Variants in NMNAT2 observed in about 807,000 individuals in gnomAD.
The protein encoded by NMNAT2 is nicotinamide/nicotinic acid mononucleotide adenylyltransferase 2.
Under a neutral mutation model 41.6 loss-of-function variants are expected in NMNAT2, and 11 were observed. The ratio of observed to expected loss-of-function variants is 0.26; its 90% CI spans 0.17 to 0.44. NMNAT2 has a LOEUF of 0.44. NMNAT2 is among the 20% of genes least tolerant of loss of function. The pLI, the probability that NMNAT2 is intolerant of heterozygous loss-of-function variation, is 1.00. For synonymous variants in NMNAT2, 148 were observed against 151.2 expected, an observed-to-expected ratio of 0.98 and a Z score of 0.16; for missense variants, 288 against 407.7, an observed-to-expected ratio of 0.71 and a Z score of 2.53.
intron 8 of NMNAT2, among the ~76,000 whole-genome samples, chr1:183,272,646 G>C (rs16860727): frequency 6.6e-6 from 1 of 152,156 alleles, no homozygotes; most frequent in Non-Finnish European, 1.5e-5. Context: ...AGAATCCAAA[G>C]TGAAAGAAAG....
rs566697409 is a variant in NMNAT2 at position 183,284,875 on chromosome 1, G to T, written c.449-85C>A. On this transcript the variant is annotated intron_variant, in intron 5 of 10. Transcript: ENST00000287713. Reference sequence around the variant, plus strand: ...CTCATGTCGGCCCGGCATTGGGGCCGCTGTAAACATCAGGGTGCATGGACG... The same window carrying T: ...CTCATGTCGGCCCGGCATTGGGGCCTCTGTAAACATCAGGGTGCATGGACG... 663 of 1,087,152 alleles carry T rather than the reference G, an allele frequency of 6.1e-4. 9 individuals are homozygous for T. The highest frequency in any genetic ancestry group is 8.2e-4 in the Admixed American group (48 of 58,536). The allele number at this position is 1,087,152 out of a possible 1,614,324, so 67.3% of individuals were successfully genotyped here.
chr1:183,401,792 A>G (rs1376877229), intron 1 of NMNAT2, among the ~76,000 whole-genome samples: 1 of 152,140 alleles, frequency 6.6e-6, no homozygotes, highest in Non-Finnish European at 1.5e-5. Flanking sequence ...GGAAACTATC[A>G]TTCTGAGCAA....
intron 1 of NMNAT2, among the ~76,000 whole-genome samples, chr1:183,410,360 C>A (rs1337554879): frequency 6.6e-6 from 1 of 151,490 alleles, no homozygotes; most frequent in Non-Finnish European, 1.5e-5. Flanking sequence ...TAAATAAAAT[C>A]ATGAAAAGAA....
chr1:183,267,539 C>G (rs1660849013), intron 8 of NMNAT2, among the ~76,000 whole-genome samples: 2 of 152,158 alleles, frequency 1.3e-5, no homozygotes, highest in Non-Finnish European at 2.9e-5. Flanking sequence ...AAATGAGATA[C>G]TTGTGGGACA....
At position 183,280,737 on chromosome 1, in the gene NMNAT2, C is replaced by CTT. The variant is rs199717425; in HGVS notation, c.575-2110_575-2109dup. Among the ~76,000 whole-genome samples the CTT allele has an allele frequency of 2.6e-4, 31 of 120,002 alleles. No individual in the cohort carries two copies. The East Asian group carries it at 4.5e-3, about 17-fold the overall frequency. The allele number at this position is 120,002 out of a possible 152,430, so 78.7% of individuals were successfully genotyped here. A position where few individuals can be genotyped will look rare whatever the true frequency, so the allele number is the denominator to read the frequency against. On this transcript the variant is annotated intron_variant, in intron 7 of 10. Coordinates refer to ENST00000287713, the MANE Select transcript of NMNAT2 (RefSeq NM_015039.4). ...AGATTTTTTTTTGGCGACTTTTTTT[C>CTT]TTTTTTTTTGCTCATCAGCTATTGT...
At chr1:183,289,647 G>A (rs1571576378) in intron 4 of NMNAT2, among the ~76,000 whole-genome samples, 1 of 152,222 alleles carries the variant, frequency 6.6e-6, no homozygotes, top group South Asian at 2.1e-4. Flanking sequence ...TGCAATGACT[G>A]GCAGGTGTGA....
chr1:183,252,588 AG>A lies in NMNAT2; in HGVS notation c.*52del. The A allele has an allele frequency of 3.3e-6, 4 of 1,228,298 alleles. No homozygotes were observed. Among genetic ancestry groups the A allele is most frequent in the Non-Finnish European group, 4.8e-6 (4 of 827,548 alleles). 76.1% of individuals were successfully genotyped at this position (1,228,298 alleles called of 1,614,324 possible). On this transcript the variant is annotated 3_prime_UTR_variant, in exon 11 of 11. Coordinates refer to ENST00000287713, the MANE Select transcript of NMNAT2 (RefSeq NM_015039.4). The stretch of plus-strand genomic sequence containing the variant: ...AGAAACAGAGAGGCAGGAGAGAAAC[AG>A]GGGGCTGACAAAGATGGAGGGGCCA...
chr1:183,256,809 G>C (rs1660526208), intron 10 of NMNAT2, among the ~76,000 whole-genome samples: 1 of 152,110 alleles, frequency 6.6e-6, no homozygotes, highest in South Asian at 2.1e-4. Flanking sequence ...GAGTGCAGCA[G>C]CGCATGATCT....
At position 183,324,205 on chromosome 1, in the gene NMNAT2, A is replaced by G. The variant is rs138264288; in HGVS notation, c.86-30412T>C. Among the ~76,000 whole-genome samples the G allele has an allele frequency of 2.6e-3, 391 of 152,314 alleles. 3 individuals carry two copies. Among genetic ancestry groups the G allele is most frequent in the African/African-American group, 9.2e-3 (383 of 41,570 alleles). ...ACATTGGTCAGATGCCCCTCCTGCA[A>G]TGCCAGGAAGACACACAAGCCCCTT... On this transcript the variant is annotated intron_variant, in intron 1 of 10. Coordinates refer to ENST00000287713, the MANE Select transcript of NMNAT2 (RefSeq NM_015039.4).
intron 3 of NMNAT2, among the ~76,000 whole-genome samples, chr1:183,292,131 T>A (rs940582129): frequency 6.6e-6 from 1 of 152,258 alleles, no homozygotes. Context: ...TTTTAAAACA[T>A]CATCTTATCA....
At chr1:183,343,797 C>T (rs1296293713) in intron 1 of NMNAT2, among the ~76,000 whole-genome samples, 1 of 152,134 alleles carries the variant, frequency 6.6e-6, no homozygotes, top group African/African-American at 2.4e-5. Flanking sequence ...TTTAAATATT[C>T]CAGTGACTCC....
intron 2 of NMNAT2, 132 bp downstream of exon 2, chr1:183,293,573 T>C (rs531994392): frequency 1.5e-5 from 11 of 709,720 alleles, no homozygotes; most frequent in Non-Finnish European, 2.8e-5. Context: ...GATAGACGCA[T>C]GGACCTGGGC....
intron 1 of NMNAT2, among the ~76,000 whole-genome samples, chr1:183,395,787 T>A (rs1453992410): frequency 3.3e-5 from 5 of 152,234 alleles, no homozygotes; most frequent in Admixed American, 3.3e-4. Context: ...TGAATAATAA[T>A]CTGTAGGCAT....
chr1:183,332,822 C>A (rs571983879), intron 1 of NMNAT2, among the ~76,000 whole-genome samples: 1 of 152,342 alleles, frequency 6.6e-6, no homozygotes, highest in East Asian at 1.9e-4. Flanking sequence ...TTCTCAGCCT[C>A]GCCCAGGTCG....
Position 183,248,891 on chromosome 1 carries a change from A to AGTGTGTGTGTGT in NMNAT2, c.*3738_*3749dup, listed in dbSNP as rs71555406. The AGTGTGTGTGTGT allele has an allele frequency of 2.1e-5, 3 of 142,644 alleles. No homozygotes were observed. The highest frequency in any genetic ancestry group is 3.1e-5 in the Non-Finnish European group (2 of 65,180). 8.8% of individuals were successfully genotyped at this position (142,644 alleles called of 1,614,324 possible). On this transcript the variant is annotated 3_prime_UTR_variant, in exon 11 of 11. Transcript: ENST00000287713. ...CTTCTCTCTCTTAGTCCCCTAAAAGAGTGTGTGTGTGTGTGTGTGTGTGTG... is the reference window on the plus strand; with the variant it reads ...CTTCTCTCTCTTAGTCCCCTAAAAGAGTGTGTGTGTGTGTGTGTGTGTGTGTGTGTGTGTGTG...
chr1:183,328,068 C>T (rs1190105415), intron 1 of NMNAT2, among the ~76,000 whole-genome samples: 1 of 152,178 alleles, frequency 6.6e-6, no homozygotes, highest in Admixed American at 6.5e-5. Context: ...AGGACTTGGG[C>T]CAGAGAGGGG....
intron 1 of NMNAT2, among the ~76,000 whole-genome samples, chr1:183,297,918 A>G (rs1460437176): frequency 2.0e-5 from 3 of 152,248 alleles, no homozygotes; most frequent in Non-Finnish European, 4.4e-5. Flanking sequence ...TTGAAAAATC[A>G]TTCAATGTAA....
intron 1 of NMNAT2, among the ~76,000 whole-genome samples, chr1:183,381,470 T>C (rs936160005): frequency 1.7e-4 from 26 of 152,188 alleles, no homozygotes; most frequent in African/African-American, 6.3e-4. Context: ...CTGAGGCAGA[T>C]GGATAACTTG....
At chr1:183,315,162 A>G (rs1662216782) in intron 1 of NMNAT2, among the ~76,000 whole-genome samples, 1 of 152,224 alleles carries the variant, frequency 6.6e-6, no homozygotes, top group African/African-American at 2.4e-5. Context: ...GGGAAAAAAT[A>G]GAGGCAAATA....
Sources: gnomAD v4.1 joint callset for allele counts (sites outside exome capture counted in the v4.1 genomes callset) on GRCh38, gnomAD v4.1.1 for gene constraint, MANE v1.5 for transcripts, NCBI Gene and HGNC (gene_info 2026-07-23, HGNC 2026-07-21) for gene names.